Variants in SDK1 observed in about 807,000 individuals in gnomAD.
The protein encoded by SDK1 is sidekick cell adhesion molecule 1.
A neutral mutation model predicts 245.5 loss-of-function variants in SDK1; 157 were observed. That is an observed-to-expected ratio of 0.64 (90% confidence interval 0.56 to 0.73). SDK1 has a LOEUF of 0.73. Among genes scored for constraint, SDK1 ranks in the 30% least tolerant of loss-of-function variants. The pLI is 0.00. For synonymous variants in SDK1, 1,647 were observed against 1,278.5 expected, an observed-to-expected ratio of 1.29 and a Z score of -6.15; for missense variants, 3,583 against 3,002.3, an observed-to-expected ratio of 1.19 and a Z score of -4.52.
intron 35 of SDK1, among the ~76,000 whole-genome samples, chr7:4,204,557 C>G (rs1181821016): frequency 6.6e-6 from 1 of 152,122 alleles, no homozygotes; most frequent in Admixed American, 6.5e-5. Context: ...AGGGGCGAGT[C>G]CTGAGGTCAG....
At chr7:4,161,333 A>G (rs1188659157) in intron 31 of SDK1, among the ~76,000 whole-genome samples, 3 of 152,152 alleles carry the variant, frequency 2.0e-5, no homozygotes, top group South Asian at 2.1e-4. Flanking sequence ...TCCTTTCCTG[A>G]CAGCCTTTTA....
intron 22 of SDK1, among the ~76,000 whole-genome samples, chr7:4,106,947 G>A (rs889329428): frequency 3.3e-5 from 5 of 151,952 alleles, no homozygotes; most frequent in African/African-American, 1.2e-4. Flanking sequence ...CAGGCCTCAG[G>A]TGAATGCTTC....
intron 1 of SDK1, among the ~76,000 whole-genome samples, chr7:3,479,299 G>A (rs1440505411): frequency 6.6e-6 from 1 of 151,568 alleles, no homozygotes; most frequent in Admixed American, 6.6e-5. Flanking sequence ...GTGTGTGCCT[G>A]TAGTCCCAGC....
chr7:4,122,198 A>C (rs1306145925), intron 25 of SDK1, among the ~76,000 whole-genome samples: 1 of 152,088 alleles, frequency 6.6e-6, no homozygotes, highest in Non-Finnish European at 1.5e-5. Flanking sequence ...GAATCTCCCC[A>C]CCTCTGACTG....
chr7:3,741,290 A>G (rs7805255), intron 4 of SDK1, among the ~76,000 whole-genome samples: 12,229 of 152,234 alleles, frequency 0.08, 1,526 homozygotes, highest in African/African-American at 0.27. Flanking sequence ...AGGCCCTGTC[A>G]GCCCACCTCC....
Position 4,130,080 on chromosome 7 carries a change from A to T in SDK1, c.4112A>T (p.Glu1371Val). ...GTCCCCAGCACGCCCCTCATCCTGG[A>T]GCGCACCAAAGACGATGGTAGGTCC... Reference protein sequence around the residue: ...NGVPSTPLILERTKDDAPGPP... With the variant: ...NGVPSTPLILVRTKDDAPGPP... Residue 1371 changes from glutamate to valine, a missense_variant, in exon 27 of 45, where the codon GAG becomes GTG. By Grantham distance (121) the Glu-to-Val change is moderately radical. Coordinates refer to ENST00000404826, the MANE Select transcript of SDK1 (RefSeq NM_152744.4). 1 of 1,605,996 alleles carries T rather than the reference A, an allele frequency of 6.2e-7. No individual in the cohort carries two copies.
At chr7:3,870,491 A>T (rs1419835143) in intron 5 of SDK1, among the ~76,000 whole-genome samples, 1 of 152,112 alleles carries the variant, frequency 6.6e-6, no homozygotes, top group Non-Finnish European at 1.5e-5. Context: ...CTCCTTCAAG[A>T]TGCTCTCGTT....
At chr7:3,612,995 G>T (rs889870544) in intron 1 of SDK1, among the ~76,000 whole-genome samples, 2 of 151,976 alleles carry the variant, frequency 1.3e-5, no homozygotes, top group Middle Eastern at 3.2e-3. Context: ...TTAAAATGCA[G>T]GAGAAAAGGG....
chr7:3,302,439 C>T (rs1373507050), intron 1 of SDK1: 1 of 152,220 alleles, frequency 6.6e-6, no homozygotes, highest in Non-Finnish European at 1.5e-5. Context: ...CTTTCAGTGC[C>T]CACAGCTTTT....
rs1782484561 is a variant in SDK1, at chr7:3,971,495, G to C, written c.1744G>C (p.Asp582His). The change falls in exon 12 of 45, where the codon GAC (aspartate) becomes CAC (histidine). Residue 582 changes from aspartate (D) to histidine (H), a missense_variant. Asp to His is a moderately conservative substitution (Grantham distance 81, BLOSUM62 -1). Coordinates refer to ENST00000404826, the MANE Select transcript of SDK1 (RefSeq NM_152744.4). ...NRTSIVHPPE[D>H]HVVIKGTTAT... ...GACGTCCATCGTCCACCCTCCTGAG[G>C]ACCACGTGGTGATTAAGGGGACCAC... 2 of 1,613,474 alleles carry C rather than the reference G, an allele frequency of 1.2e-6. No individual in the cohort carries two copies. Among genetic ancestry groups the C allele is most frequent in the African/African-American group, 2.7e-5 (2 of 74,904 alleles).
At chr7:4,191,049 C>T (rs957953675) in intron 35 of SDK1, among the ~76,000 whole-genome samples, 4 of 152,214 alleles carry the variant, frequency 2.6e-5, no homozygotes, top group African/African-American at 9.6e-5. Flanking sequence ...AAATCCCATC[C>T]CCTCACTTTC....
chr7:3,801,278 A>T (rs946648254), intron 4 of SDK1, among the ~76,000 whole-genome samples: 1 of 152,234 alleles, frequency 6.6e-6, no homozygotes. Context: ...TGGGTTAATG[A>T]AAACTTTTCT....
In SDK1 at chr7:3,795,956, A is replaced by G. The variant is rs1778951542; in HGVS notation, c.714-25494A>G. ...GATTCATGATCAGATGCACACACAG[A>G]CATCATGAGAGTGCTAAGAAATAGA... On this transcript the variant is annotated intron_variant, in intron 4 of 44. Transcript: ENST00000404826. Among the ~76,000 whole-genome samples the G allele has an allele frequency of 2.0e-5, 3 of 152,206 alleles. No individual in the cohort carries two copies. The South Asian group carries it at 6.2e-4, about 32-fold the overall frequency.
intron 2 of SDK1, among the ~76,000 whole-genome samples, chr7:3,635,642 A>G (rs1782434754): frequency 6.6e-6 from 1 of 152,198 alleles, no homozygotes; most frequent in African/African-American, 2.4e-5. Flanking sequence ...GGGTGGGTAA[A>G]GTGTACCGTC....
At chr7:3,680,544 T>C in intron 4 of SDK1, among the ~76,000 whole-genome samples, 1 of 152,212 alleles carries the variant, frequency 6.6e-6, no homozygotes, top group East Asian at 1.9e-4. Flanking sequence ...TATTGTACCA[T>C]AGTTACATAA....
chr7:3,628,084 C>T (rs1212337511), intron 2 of SDK1, among the ~76,000 whole-genome samples: 1 of 152,102 alleles, frequency 6.6e-6, no homozygotes, highest in Non-Finnish European at 1.5e-5. Context: ...TCCCTTTGGC[C>T]ACGCATGAGT....
chr7:3,858,260 A>G (rs1445420966), intron 5 of SDK1, among the ~76,000 whole-genome samples: 1 of 152,108 alleles, frequency 6.6e-6, no homozygotes, highest in Non-Finnish European at 1.5e-5. Flanking sequence ...TTAAAAAAAC[A>G]CAAAAGATAA....
chr7:3,426,577 A>T (rs943651731), intron 1 of SDK1, among the ~76,000 whole-genome samples: 1 of 152,226 alleles, frequency 6.6e-6, no homozygotes, highest in Non-Finnish European at 1.5e-5. Flanking sequence ...GTTGCATCCA[A>T]CAAGTGTCAG....
At chr7:4,007,321 A>C (rs1007831586) in intron 14 of SDK1, among the ~76,000 whole-genome samples, 4 of 151,890 alleles carry the variant, frequency 2.6e-5, no homozygotes, top group African/African-American at 9.7e-5. Flanking sequence ...CCAGAAGGAG[A>C]GATTATGTAG....
Sources: allele counts gnomAD v4.1 joint callset (sites outside exome capture counted in the v4.1 genomes callset), GRCh38; gene constraint gnomAD v4.1.1; transcripts MANE v1.5; gene names NCBI Gene and HGNC (gene_info 2026-07-23, HGNC 2026-07-21).